HPSE2: variants seen among roughly 807,000 people sequenced by gnomAD.
HPSE2 encodes heparanase 2 (inactive), also known as inactive heparanase-2.
In HPSE2, 38 loss-of-function variants were observed where a neutral mutation model predicts 60.5. That is an observed-to-expected ratio of 0.63 (90% confidence interval 0.48 to 0.82). The LOEUF (loss-of-function observed/expected upper bound fraction) is 0.82. Among genes scored for constraint, HPSE2 ranks in the 40% least tolerant of loss-of-function variants. The pLI, the probability that HPSE2 is intolerant of heterozygous loss-of-function variation, is 0.00. For missense variants in HPSE2, 713 were observed against 740.4 expected (o/e 0.96, Z 0.43); for synonymous variants, 295 against 293.2 (o/e 1.01, Z -0.06).
intron 2 of HPSE2, among the ~76,000 whole-genome samples, chr10:99,184,830 AGAGAGAGAG>A (rs1847938134): frequency 1.9e-5 from 1 of 52,948 alleles, no homozygotes; most frequent in Admixed American, 2.5e-4. Flanking sequence ...AGAGAGAGAG[AGAGAGAGAG>A]AGAGAGAGAG....
At chr10:99,246,496 C>T in the HPSE2 span, among the ~76,000 whole-genome samples, 1 of 152,312 alleles carries the variant, frequency 6.6e-6, no homozygotes, top group Non-Finnish European at 1.5e-5. Flanking sequence ...CCCGTAATCC[C>T]AGCACTTTGG....
chr10:98,645,080 A>G (rs1946732875), intron 6 of HPSE2, among the ~76,000 whole-genome samples: 1 of 152,198 alleles, frequency 6.6e-6, no homozygotes, highest in South Asian at 2.1e-4. Context: ...TAGAGGGTAA[A>G]AGAGAGGAAG....
At chr10:99,029,802 A>G (rs1957459026) in intron 3 of HPSE2, among the ~76,000 whole-genome samples, 1 of 152,226 alleles carries the variant, frequency 6.6e-6, no homozygotes, top group Non-Finnish European at 1.5e-5. Flanking sequence ...ACTGCGGGCA[A>G]GCCTGACTAA....
At chr10:99,305,975 G>GCACACA in the HPSE2 span, among the ~76,000 whole-genome samples, 121 of 48,108 alleles carry the variant, frequency 2.5e-3, no homozygotes, top group African/African-American at 5.8e-3. Flanking sequence ...GCGCGCGCGC[G>GCACACA]CGCGCACACA....
chr10:98,658,913 T>G (rs1589590210), intron 6 of HPSE2, among the ~76,000 whole-genome samples: 2 of 79,136 alleles, frequency 2.5e-5, no homozygotes, highest in South Asian at 7.1e-4. Flanking sequence ...ACTGGCAGAG[T>G]TTTTTTTTTT....
At chr10:98,541,374 C>T (rs1943452150) in intron 9 of HPSE2, among the ~76,000 whole-genome samples, 2 of 152,204 alleles carry the variant, frequency 1.3e-5, no homozygotes, top group African/African-American at 4.8e-5. Flanking sequence ...CGGTCTACAG[C>T]TCCCAGCCTG....
intron 5 of HPSE2, among the ~76,000 whole-genome samples, chr10:98,705,569 C>A (rs751780404): frequency 3.9e-5 from 6 of 152,044 alleles, no homozygotes; most frequent in Non-Finnish European, 8.8e-5. Context: ...TGGAATAATA[C>A]GCAGCCTTAA....
intron 6 of HPSE2, among the ~76,000 whole-genome samples, chr10:98,688,920 T>C (rs1405349831): frequency 6.6e-6 from 1 of 152,160 alleles, no homozygotes; most frequent in Non-Finnish European, 1.5e-5. Flanking sequence ...TTTAAGAATA[T>C]TGTTCTGTTG....
At chr10:98,537,720 G>C (rs564510788) in intron 9 of HPSE2, among the ~76,000 whole-genome samples, 3 of 152,052 alleles carry the variant, frequency 2.0e-5, no homozygotes, top group Non-Finnish European at 4.4e-5. Context: ...ACCGCGAAAG[G>C]GAGTCTCCTT....
intron 5 of HPSE2, among the ~76,000 whole-genome samples, chr10:98,704,305 T>C (rs565182108): frequency 6.6e-6 from 1 of 152,190 alleles, no homozygotes; most frequent in East Asian, 1.9e-4. Flanking sequence ...ATAGGAAGAA[T>C]CAATACCGTG....
At chr10:98,624,637 TATC>T (rs1421754607) in intron 7 of HPSE2, among the ~76,000 whole-genome samples, 2 of 152,246 alleles carry the variant, frequency 1.3e-5, no homozygotes, top group African/African-American at 4.8e-5. Context: ...GTTATTTGTA[TATC>T]ATTTTAATTG....
chr10:99,181,355 G>A (rs543462850), intron 2 of HPSE2, among the ~76,000 whole-genome samples: 1,730 of 133,730 alleles, frequency 0.013, 25 homozygotes, highest in Non-Finnish European at 0.019. Context: ...CCGAGATCCC[G>A]CCACTGCACT....
intron 5 of HPSE2, among the ~76,000 whole-genome samples, chr10:98,700,029 G>C (rs923116417): frequency 7.2e-5 from 11 of 151,746 alleles, no homozygotes; most frequent in African/African-American, 2.7e-4. Context: ...CATGCTCATG[G>C]GTAGGAAGAA....
rs531619445 is a variant in HPSE2, at chr10:98,725,905, T to G, written c.785-4077A>C. Among the ~76,000 whole-genome samples, 181 of 152,276 alleles carry G rather than the reference T, an allele frequency of 1.2e-3. 2 individuals carry two copies. Among genetic ancestry groups the G allele is most frequent in the Non-Finnish European group, 3.7e-4 (25 of 68,024 alleles). On this transcript the variant is annotated intron_variant, in intron 4 of 11. Coordinates refer to ENST00000370552, the MANE Select transcript of HPSE2 (RefSeq NM_021828.5). ...AAAAAATGCTCACCATCACTGGCCA[T>G]CAGAGAAATGCAAATCAAAATCACA...
intron 9 of HPSE2, among the ~76,000 whole-genome samples, chr10:98,508,172 G>A (rs1469105343): frequency 6.6e-6 from 1 of 152,210 alleles, no homozygotes; most frequent in Admixed American, 6.5e-5. Context: ...AGGAGAGGTT[G>A]AAGAAAAATA....
chr10:98,864,294 T>C (rs928373631), intron 3 of HPSE2, among the ~76,000 whole-genome samples: 1 of 152,170 alleles, frequency 6.6e-6, no homozygotes, highest in African/African-American at 2.4e-5. Context: ...TTTTCTTAAT[T>C]GTCCTCCATG....
At chr10:98,888,385 T>C (rs1564634328) in intron 3 of HPSE2, among the ~76,000 whole-genome samples, 1 of 152,210 alleles carries the variant, frequency 6.6e-6, no homozygotes, top group African/African-American at 2.4e-5. Flanking sequence ...TTTACCTGCT[T>C]ATTGTTTAAA....
intron 7 of HPSE2, among the ~76,000 whole-genome samples, chr10:98,636,432 G>T (rs1946503717): frequency 6.6e-6 from 1 of 151,970 alleles, no homozygotes; most frequent in Non-Finnish European, 1.5e-5. Context: ...TAGAGACGGG[G>T]TTTCACCATG....
chr10:99,071,162 C>T (rs1842778078), intron 3 of HPSE2, among the ~76,000 whole-genome samples: 1 of 151,536 alleles, frequency 6.6e-6, no homozygotes, highest in African/African-American at 2.4e-5. Context: ...CTCTGCCTCC[C>T]AGGTTCAAGC....
Sources: gnomAD v4.1 joint callset for allele counts (sites outside exome capture counted in the v4.1 genomes callset) on GRCh38, gnomAD v4.1.1 for gene constraint, MANE v1.5 for transcripts, NCBI Gene and HGNC (gene_info 2026-07-23, HGNC 2026-07-21) for gene names.